The following MN1 variants were observed in gnomAD, a reference collection of about 807,000 sequenced individuals.
MN1 encodes MN1 proto-oncogene, transcriptional regulator, also known as transcriptional activator MN1.
A neutral mutation model predicts 86.9 loss-of-function variants in MN1; 19 were observed. The observed-to-expected ratio is 0.22, with a 90% confidence interval of 0.15 to 0.32. The LOEUF (loss-of-function observed/expected upper bound fraction) is 0.32, where lower values mean the gene tolerates loss of function less well. MN1 is among the 10% of genes least tolerant of loss of function. MN1 has a pLI of 1.00. For missense variants in MN1, 1,841 were observed against 1,862.0 expected, an observed-to-expected ratio of 0.99 and a Z score of 0.21; for synonymous variants, 928 against 849.6, an observed-to-expected ratio of 1.09 and a Z score of -1.60.
chr22:27,780,556 A>C (rs1287776963), intron 1 of MN1, among the ~76,000 whole-genome samples: 1 of 152,044 alleles, frequency 6.6e-6, no homozygotes. Flanking sequence ...CAGAGCATTT[A>C]TTTTTCTCTC....
Position 27,800,534 on chromosome 22 carries a change from G to A in MN1, c.10C>T (p.Leu4=), listed in dbSNP as rs1168020449. The A allele has an allele frequency of 1.9e-6, 3 of 1,614,022 alleles. No homozygotes were observed. Among genetic ancestry groups the A allele is most frequent in the Admixed American group, 1.7e-5 (1 of 60,016 alleles). MFG[L]DQFEPQVNSR... is the part of the protein sequence containing the mutation. ...TTGACCTGGGGCTCGAATTGGTCCA[G>A]CCCAAACATACTTGGCGGGGGGCAG... The change falls in exon 1 of 2, where the codon CTG becomes TTG. Residue 4 remains leucine (L), a synonymous_variant. Transcript: ENST00000302326.
chr22:27,752,329 G>A (rs1218167345), intron 1 of MN1, among the ~76,000 whole-genome samples: 1 of 152,126 alleles, frequency 6.6e-6, no homozygotes, highest in East Asian at 1.9e-4. Flanking sequence ...TTCAGAGCAG[G>A]AGAGACAGAG....
intron 1 of MN1, among the ~76,000 whole-genome samples, chr22:27,793,157 G>A (rs1333102294): frequency 1.3e-5 from 2 of 152,206 alleles, no homozygotes; most frequent in African/African-American, 4.8e-5. Context: ...GAGCTACCAG[G>A]GGAAAGGAGG....
chr22:27,794,978 A>G (rs1933268698), intron 1 of MN1, among the ~76,000 whole-genome samples: 1 of 147,140 alleles, frequency 6.8e-6, no homozygotes, highest in Non-Finnish European at 1.5e-5. Context: ...CCAGCTATCG[A>G]TCGGGCCAGA....
chr22:27,786,739 G>T (rs958241840), intron 1 of MN1, among the ~76,000 whole-genome samples: 6 of 152,002 alleles, frequency 3.9e-5, no homozygotes, highest in Non-Finnish European at 8.8e-5. Context: ...ATGGTGAAAG[G>T]CGCCACTCGC....
At chr22:27,771,598 C>T (rs1044717370) in intron 1 of MN1, among the ~76,000 whole-genome samples, 2 of 152,030 alleles carry the variant, frequency 1.3e-5, no homozygotes, top group African/African-American at 4.8e-5. Flanking sequence ...TATATGAAAT[C>T]CAAATTTCAG....
Position 27,800,441 on chromosome 22 carries a change from T to C in MN1, c.103A>G (p.Lys35Glu), listed in dbSNP as rs563766025. ...CCCCCAGTGTGGAAAGCCGGGGCCTTAAAGTGGGTGTTCATGCTCAGTCCG... is the reference window on the plus strand; with the variant it reads ...CCCCCAGTGTGGAAAGCCGGGGCCTCAAAGTGGGTGTTCATGCTCAGTCCG... ...ETGLSMNTHFKAPAFHTGGPP... is the reference protein window; with the variant it reads ...ETGLSMNTHFEAPAFHTGGPP... The change falls in exon 1 of 2, where the codon AAG becomes GAG. Residue 35 changes from lysine to glutamate, a missense_variant. Coordinates refer to ENST00000302326, the MANE Select transcript of MN1 (RefSeq NM_002430.3). The C allele has an allele frequency of 1.2e-6, 2 of 1,614,144 alleles. No individual in the cohort carries two copies. The highest frequency in any genetic ancestry group is 1.7e-5 in the Admixed American group (1 of 60,030).
intron 1 of MN1, among the ~76,000 whole-genome samples, chr22:27,772,587 C>T (rs1017498022): frequency 6.6e-6 from 1 of 152,140 alleles, no homozygotes; most frequent in Admixed American, 6.5e-5. Context: ...GACAACCCTG[C>T]AGGTGCAGAC....
In MN1 at chr22:27,799,302, C is replaced by T. The variant is rs371549009; in HGVS notation, c.1242G>A (p.Leu414=). 5 of 1,590,170 alleles carry T rather than the reference C, an allele frequency of 3.1e-6. No homozygotes were observed. The highest frequency in any genetic ancestry group is 4.3e-6 in the Non-Finnish European group (5 of 1,168,762). ...AATAAGGGTGCATGCTCCGGTTCTC[C>T]AGCCGGTGGATGGGATACTCGAATT... is the stretch of plus-strand genomic sequence containing the variant. ...HAQFEYPIHR[L]ENRSMHPYSE... Residue 414 remains leucine (L), a synonymous_variant, in exon 1 of 2, where the codon CTG becomes CTA. Transcript: ENST00000302326.
chr22:27,789,493 T>C (rs1044379641), intron 1 of MN1, among the ~76,000 whole-genome samples: 5 of 152,228 alleles, frequency 3.3e-5, no homozygotes, highest in African/African-American at 9.6e-5. Flanking sequence ...TCTGGGCACA[T>C]AGTTGATCCT....
chr22:27,800,181 C>T lies in MN1; in HGVS notation c.363G>A (p.Pro121=), dbSNP rs1257136262. Residue 121 remains proline, a synonymous_variant, in exon 1 of 2, where the codon CCG becomes CCA. Coordinates refer to ENST00000302326, the MANE Select transcript of MN1 (RefSeq NM_002430.3). ...CGTGCAGGCACGAGGCCCCGGGGTC[C>T]GGGCCACCGAAGTTGCCCCCAAAGT... The part of the protein sequence containing the change: ...HPHFGGNFGG[P]DPGASCLHGG... 1.4e-5 allele frequency: 22 copies of T among 1,547,378 alleles called. No individual in the cohort carries two copies. The highest frequency in any genetic ancestry group is 1.8e-4 in the Middle Eastern group (1 of 5,706).
In MN1 at chr22:27,773,458, C is replaced by G. The variant is rs532645093; in HGVS notation, c.3782-22362G>C. ...AAACCTTTCAAGGCTCAGCTGGGCCCGAGTCATGGGAGTGCACCGTGCAGA... is the reference window on the plus strand; with the variant it reads ...AAACCTTTCAAGGCTCAGCTGGGCCGGAGTCATGGGAGTGCACCGTGCAGA... On this transcript the variant is annotated intron_variant, in intron 1 of 1. Coordinates refer to ENST00000302326, the MANE Select transcript of MN1 (RefSeq NM_002430.3). Among the ~76,000 whole-genome samples the G allele has an allele frequency of 5.3e-5, 8 of 152,330 alleles. 1 individual carries two copies. In the South Asian group the frequency reaches 1.7e-3, roughly 32 times the overall value.
In MN1 at chr22:27,797,843, A is replaced by G; in HGVS notation, c.2701T>C (p.Ser901Pro). 6.3e-7 allele frequency: 1 copy of G among 1,578,926 alleles called. No individual in the cohort carries two copies. The highest frequency in any genetic ancestry group is 1.1e-5 in the South Asian group (1 of 87,034). The change falls in exon 1 of 2, where the codon TCC (serine) becomes CCC (proline). Residue 901 changes from serine (S) to proline (P), a missense_variant. Transcript: ENST00000302326. The part of the protein sequence containing the change: ...GGPSGTSSSG[S>P]KASGPPNPPA... ...GGGTTGGGCGGCCCCGAGGCTTTGG[A>G]GCCGCTGCTACTGGTCCCGGACGGG... is the stretch of plus-strand genomic sequence containing the variant.
intron 1 of MN1, among the ~76,000 whole-genome samples, chr22:27,778,952 C>T (rs911816265): frequency 2.0e-5 from 3 of 152,144 alleles, no homozygotes; most frequent in Non-Finnish European, 4.4e-5. Flanking sequence ...ATGAGGTGGG[C>T]GGGGCTGGGA....
At chr22:27,764,735 T>C (rs2146298226) in intron 1 of MN1, among the ~76,000 whole-genome samples, 1 of 152,318 alleles carries the variant, frequency 6.6e-6, no homozygotes, top group South Asian at 2.1e-4. Context: ...ACATATGATA[T>C]TACCAATAAC....
rs1359570250 is a variant in MN1, at chr22:27,798,295, G to A, written c.2249C>T (p.Ala750Val). ...LGGQPGFPFG[A>V]AGRQSTPHSG... ...GTGCGGCGTGGACTGCCGGCCGGCT[G>A]CACCAAACGGAAAGCCCGGCTGGCC... Residue 750 changes from alanine (A) to valine (V), a missense_variant, in exon 1 of 2, where the codon GCA (alanine) becomes GTA (valine). By Grantham distance (64) the Ala-to-Val change is moderately conservative. Coordinates refer to ENST00000302326, the MANE Select transcript of MN1 (RefSeq NM_002430.3). 6.6e-7 allele frequency: 1 copy of A among 1,525,454 alleles called. No individual in the cohort carries two copies. Among genetic ancestry groups the A allele is most frequent in the South Asian group, 1.2e-5 (1 of 83,052 alleles). 94.5% of individuals were successfully genotyped at this position (1,525,454 alleles called of 1,614,324 possible). A position where few individuals can be genotyped will look rare whatever the true frequency, so the allele number is the denominator to read the frequency against.
At chr22:27,765,396 C>A (rs1025841871) in intron 1 of MN1, among the ~76,000 whole-genome samples, 5 of 132,176 alleles carry the variant, frequency 3.8e-5, no homozygotes, top group African/African-American at 1.6e-4. Context: ...TTATTAGGAG[C>A]AGAGGGTTGC....
chr22:27,762,125 G>A (rs1038004422), intron 1 of MN1, among the ~76,000 whole-genome samples: 4 of 152,264 alleles, frequency 2.6e-5, no homozygotes, highest in African/African-American at 9.6e-5. Context: ...CGCAGCCAGT[G>A]ACCTGTGACA....
rs958902268 is a variant in MN1 at position 27,797,079 on chromosome 22, G to A, written c.3465C>T (p.Ile1155=). 5 of 1,611,210 alleles carry A rather than the reference G, an allele frequency of 3.1e-6. No individual in the cohort carries two copies. The highest frequency in any genetic ancestry group is 1.7e-5 in the Admixed American group (1 of 59,836). ...TCTGTAGCTGGATCTGCGCCTGAAG[G>A]ATCTCCAGGGGGTGGATCTCGTCGG... ...PPPDEIHPLE[I]LQAQIQLQRQ... is the part of the protein sequence containing the mutation. The change falls in exon 1 of 2, where the codon ATC becomes ATT. Residue 1155 remains isoleucine, a synonymous_variant. Transcript: ENST00000302326.
Sources: allele counts gnomAD v4.1 joint callset (sites outside exome capture counted in the v4.1 genomes callset), GRCh38; gene constraint gnomAD v4.1.1; transcripts MANE v1.5; gene names NCBI Gene and HGNC (gene_info 2026-07-23, HGNC 2026-07-21).